The following ACTMAP variants were observed in gnomAD, a reference collection of about 807,000 sequenced individuals.
ACTMAP encodes actin maturation protease.
chr19:40,743,738 T>C, the ACTMAP span, among the ~76,000 whole-genome samples: 3 of 151,824 alleles, frequency 2.0e-5, no homozygotes, highest in African/African-American at 7.2e-5. Flanking sequence ...CTTCTGTTTG[T>C]AGAAGCTCCA....
chr19:40,743,759 A>C, the ACTMAP span: 1 of 977,324 alleles, frequency 1.0e-6, no homozygotes, highest in Non-Finnish European at 1.5e-6. Flanking sequence ...ACTGGCAGAC[A>C]CCTGGGGCCC....
the ACTMAP span, among the ~76,000 whole-genome samples, chr19:40,743,203 C>T: frequency 6.6e-6 from 1 of 150,836 alleles, no homozygotes; most frequent in African/African-American, 2.4e-5. Flanking sequence ...GTAATACTTA[C>T]AGAGACATGT....
chr19:40,744,825 G>A, the ACTMAP span: 2 of 1,308,150 alleles, frequency 1.5e-6, no homozygotes, highest in South Asian at 1.5e-5. Flanking sequence ...CTCCCCTTCA[G>A]GGGAGAGCCC....
the ACTMAP span, chr19:40,742,333 A>C: frequency 8.2e-7 from 1 of 1,222,758 alleles, no homozygotes; most frequent in African/African-American, 1.5e-5. Flanking sequence ...GAGACCCCTG[A>C]GACCTAGCTT....
chr19:40,749,404 A>ACCCCCCCCC, the ACTMAP span: 19 of 1,174,134 alleles, frequency 1.6e-5, no homozygotes, highest in Non-Finnish European at 2.1e-5. Context: ...GGACACGGGA[A>ACCCCCCCCC]CCCCCCCCCC....
chr19:40,745,234 G>A, the ACTMAP span: 30 of 1,549,186 alleles, frequency 1.9e-5, no homozygotes, highest in South Asian at 3.3e-4. Context: ...CAGGGAGCCA[G>A]CTCTGAAGCA....
the ACTMAP span, among the ~76,000 whole-genome samples, chr19:40,747,297 G>A: frequency 3.9e-5 from 6 of 152,062 alleles, no homozygotes; most frequent in African/African-American, 1.4e-4. Context: ...AGCACTTTGG[G>A]AGGCTGAAGC....
At chr19:40,745,331 G>C in the ACTMAP span, 1 of 853,568 alleles carries the variant, frequency 1.2e-6, no homozygotes, top group Non-Finnish European at 1.9e-6. Flanking sequence ...GCTGAAGGCG[G>C]CTCCTGGTTC....
chr19:40,749,941 G>T, the ACTMAP span: 1 of 660,526 alleles, frequency 1.5e-6, no homozygotes, highest in Non-Finnish European at 2.4e-6. Flanking sequence ...CAGTGGGTGT[G>T]AAAGGACCAG....
chr19:40,749,408 C>T, the ACTMAP span: 1 of 1,409,240 alleles, frequency 7.1e-7, no homozygotes, highest in Non-Finnish European at 9.6e-7. Flanking sequence ...ACGGGAACCC[C>T]CCCCCCACCC....
chr19:40,744,816 T>A, the ACTMAP span: 1 of 1,342,360 alleles, frequency 7.4e-7, no homozygotes. Flanking sequence ...GAGACCTGAC[T>A]CCCCTTCAGG....
chr19:40,744,489 A>G, the ACTMAP span: 1 of 1,585,894 alleles, frequency 6.3e-7, no homozygotes, highest in Admixed American at 1.8e-5. Context: ...CACGGCTGCC[A>G]GCATCCCACC....
chr19:40,740,861 T>G, the ACTMAP span: 1 of 397,644 alleles, frequency 2.5e-6, no homozygotes, highest in South Asian at 1.3e-4. Flanking sequence ...TCAGAGCCAA[T>G]GTCGTAGAGC....
chr19:40,746,044 G>A, the ACTMAP span, among the ~76,000 whole-genome samples: 2 of 152,118 alleles, frequency 1.3e-5, no homozygotes, highest in Non-Finnish European at 2.9e-5. Context: ...TTTGTTTTTC[G>A]CTTCAAGTCT....
At chr19:40,746,667 A>C in the ACTMAP span, among the ~76,000 whole-genome samples, 2 of 151,570 alleles carry the variant, frequency 1.3e-5, no homozygotes, top group East Asian at 2.0e-4. Context: ...GAGCCACTGC[A>C]CCCGGCCCTT....
chr19:40,748,950 G>A, the ACTMAP span, among the ~76,000 whole-genome samples: 3 of 151,572 alleles, frequency 2.0e-5, no homozygotes, highest in Admixed American at 2.0e-4. Flanking sequence ...AAAGGTGGAG[G>A]GATCTGTCTC....
the ACTMAP span, among the ~76,000 whole-genome samples, chr19:40,743,656 GTCACAGAGCCTAGAAGAGGCT>G: frequency 2.0e-5 from 3 of 152,210 alleles, no homozygotes; most frequent in African/African-American, 4.8e-5. Flanking sequence ...CCTGCCCAGA[GTCACAGAGCCTAGAAGAGGCT>G]GTGCCAGGCC....
At chr19:40,747,743 G>A in the ACTMAP span, among the ~76,000 whole-genome samples, 1 of 152,194 alleles carries the variant, frequency 6.6e-6, no homozygotes, top group South Asian at 2.1e-4. Flanking sequence ...GCGCACATCT[G>A]TGGTCCCAGC....
At chr19:40,745,858 A>G in the ACTMAP span, among the ~76,000 whole-genome samples, 2 of 151,584 alleles carry the variant, frequency 1.3e-5, no homozygotes, top group African/African-American at 4.8e-5. Flanking sequence ...TTTTAGTAGA[A>G]ACGGGGTTTC....
Sources: gnomAD v4.1 joint callset for allele counts (sites outside exome capture counted in the v4.1 genomes callset) on GRCh38, gnomAD v4.1.1 for gene constraint, MANE v1.5 for transcripts, NCBI Gene and HGNC (gene_info 2026-07-23, HGNC 2026-07-21) for gene names.